Variants in SMOX observed in about 807,000 individuals in gnomAD.
SMOX encodes the protein flavin containing amine oxidase.
Under a neutral mutation model 51.0 loss-of-function variants are expected in SMOX, and 22 were observed. The ratio of observed to expected loss-of-function variants is 0.43; its 90% confidence interval spans 0.31 to 0.62. SMOX has a LOEUF of 0.62. SMOX is among the 20% of genes least tolerant of loss of function. The probability of loss-of-function intolerance (pLI) is 0.10; values close to 1 mark genes in which losing one functional copy is unlikely to be tolerated. For missense variants in SMOX, 566 were observed against 777.7 expected (o/e 0.73, Z 3.24); for synonymous variants, 282 against 307.8 (o/e 0.92, Z 0.88).
rs1385944289 is a variant in SMOX at position 4,149,413 on chromosome 20, G to A, written c.-27+436G>A. On this transcript the variant is annotated intron_variant, in intron 1 of 6. Coordinates refer to ENST00000305958, the MANE Select transcript of SMOX (RefSeq NM_175839.3). The surrounding 1 kb of genome is among the most constrained non-coding windows in gnomAD (Gnocchi z 6.0). ...CGACGACTCGGGCTGCCGGGAGGGT[G>A]GGCACCGGGGAGAGGACAGAAGGCT... Among the ~76,000 whole-genome samples the A allele has an allele frequency of 1.3e-5, 2 of 150,870 alleles. No individual in the cohort carries two copies. Among genetic ancestry groups the A allele is most frequent in the Non-Finnish European group, 2.9e-5 (2 of 67,860 alleles).
rs1199698968 is a variant in SMOX at position 4,174,924 on chromosome 20, C to T, written c.-26-106C>T. 21 of 1,167,564 alleles carry T rather than the reference C, an allele frequency of 1.8e-5. No homozygotes were observed. In the South Asian group the frequency reaches 2.7e-4, roughly 15 times the overall value. 72.3% of individuals were successfully genotyped at this position (1,167,564 alleles called of 1,614,324 possible). On this transcript the variant is annotated intron_variant, in intron 1 of 6. Coordinates refer to ENST00000305958, the MANE Select transcript of SMOX (RefSeq NM_175839.3). ...GGGAGGGAGAGGACTCCAGGTCCCC[C>T]CACCCACAACAGAGGGCAGAGTGTG...
rs200124130 is a variant in SMOX, at chr20:4,182,754, C to T, written c.1275C>T (p.Ser425=). ...CTGAGCGCTACGGCCATGTGCTGAG[C>T]GGCTGGATCTGCGGGGAGGAGGCCC... The part of the protein sequence containing the change: ...YPPERYGHVL[S]GWICGEEALV... The change falls in exon 5 of 7, where the codon AGC becomes AGT. Residue 425 remains serine, a synonymous_variant. Coordinates refer to ENST00000305958, the MANE Select transcript of SMOX (RefSeq NM_175839.3). This position sits in a 1 kb window ranked among gnomAD's most constrained non-coding sequence, Gnocchi z 8.4. 256 of 1,614,108 alleles carry T rather than the reference C, an allele frequency of 1.6e-4. No homozygotes were observed. The Admixed American group carries it at 2.0e-3, about 12-fold the overall frequency.
intron 1 of SMOX, among the ~76,000 whole-genome samples, chr20:4,154,124 A>AAGTGGGTTGAAGCCAGGCCTGG (rs568258748): frequency 7.6e-4 from 115 of 152,042 alleles, no homozygotes; most frequent in African/African-American, 2.6e-3. Flanking sequence ...GGAGGAGGAG[A>AAGTGGGTTGAAGCCAGGCCTGG]AGTGGGTTGA....
In SMOX at chr20:4,183,400, G is replaced by C; in HGVS notation, c.1370-94G>C. 1 of 1,587,256 alleles carries C rather than the reference G, an allele frequency of 6.3e-7. No individual in the cohort carries two copies. The highest frequency in any genetic ancestry group is 1.1e-5 in the South Asian group (1 of 90,088). ...GGCAGTCTGGTCCTCCCGGAGCCCTGGAGGTGGGGTGGGGGGTTGTCCCTT... is the reference window on the plus strand; with the variant it reads ...GGCAGTCTGGTCCTCCCGGAGCCCTCGAGGTGGGGTGGGGGGTTGTCCCTT... On this transcript the variant is annotated intron_variant, in intron 5 of 6. Transcript: ENST00000305958. This position sits in a 1 kb window ranked among gnomAD's most constrained non-coding sequence, Gnocchi z 4.3.
chr20:4,170,443 A>G lies in SMOX; in HGVS notation c.-26-4587A>G, dbSNP rs1308305624. On this transcript the variant is annotated intron_variant, in intron 1 of 6. Transcript: ENST00000305958. This position sits in a 1 kb window ranked among gnomAD's most constrained non-coding sequence, Gnocchi z 4.6. ...GTCTCTCTAGTATTTGGCCATTAGA[A>G]GGTACTTGCTGGAGTGTAAATTTCT... Among the ~76,000 whole-genome samples, 1 of 151,930 alleles carries G rather than the reference A, an allele frequency of 6.6e-6. No homozygotes were observed. The highest frequency in any genetic ancestry group is 1.9e-4 in the East Asian group (1 of 5,188).
In SMOX at chr20:4,187,404, C is replaced by T. The variant is rs753462723; in HGVS notation, c.1665C>T (p.Thr555=). Residue 555 remains threonine (T), a synonymous_variant, in exon 7 of 7, where the codon ACC becomes ACT. Coordinates refer to ENST00000305958, the MANE Select transcript of SMOX (RefSeq NM_175839.3). The surrounding 1 kb of genome is among the most constrained non-coding windows in gnomAD (Gnocchi z 4.8). ...ACCGAGACCTCTTCCAGCAGGGGAC[C>T]TGAGGGCTGTCCTCGCTGCTGAGAA... ...EMYRDLFQQG[T] The T allele has an allele frequency of 6.2e-7, 1 of 1,613,708 alleles. No homozygotes were observed. Among genetic ancestry groups the T allele is most frequent in the South Asian group, 1.1e-5 (1 of 90,970 alleles).
In SMOX at chr20:4,183,462, C is replaced by T. The variant is rs1258459353; in HGVS notation, c.1370-32C>T. ...TCCATATGCAGCCATTTCTTATCCT[C>T]CCTCCTCTTGGCTTTTCTGACTCTC... On this transcript the variant is annotated intron_variant, in intron 5 of 6. Coordinates refer to ENST00000305958, the MANE Select transcript of SMOX (RefSeq NM_175839.3). This position sits in a 1 kb window ranked among gnomAD's most constrained non-coding sequence, Gnocchi z 4.3. The T allele has an allele frequency of 1.1e-5, 17 of 1,613,970 alleles. No homozygotes were observed. Among genetic ancestry groups the T allele is most frequent in the Non-Finnish European group, 1.4e-5 (16 of 1,180,022 alleles).
Position 4,183,427 on chromosome 20 carries a change from G to C in SMOX, c.1370-67G>C. 6.2e-7 allele frequency: 1 copy of C among 1,611,256 alleles called. No individual in the cohort carries two copies. Among genetic ancestry groups the C allele is most frequent in the Admixed American group, 1.7e-5 (1 of 59,988 alleles). Reference sequence around the variant, plus strand: ...AGGTGGGGTGGGGGGTTGTCCCTTTGGGGTCATCTTCCATATGCAGCCATT... The same window carrying C: ...AGGTGGGGTGGGGGGTTGTCCCTTTCGGGTCATCTTCCATATGCAGCCATT... On this transcript the variant is annotated intron_variant, in intron 5 of 6. Coordinates refer to ENST00000305958, the MANE Select transcript of SMOX (RefSeq NM_175839.3). The surrounding 1 kb of genome is among the most constrained non-coding windows in gnomAD (Gnocchi z 4.3).
intron 2 of SMOX, among the ~76,000 whole-genome samples, chr20:4,176,775 G>C (rs554536687): frequency 6.6e-6 from 1 of 152,234 alleles, no homozygotes; most frequent in Admixed American, 6.5e-5. Flanking sequence ...CGGCTCTCAG[G>C]GTTTTTTGTA....
chr20:4,167,660 G>A lies in SMOX; in HGVS notation c.-26-7370G>A, dbSNP rs879492536. 3.9e-5 allele frequency among the ~76,000 whole-genome samples: 6 copies of A among 152,082 alleles called. No homozygotes were observed. Among genetic ancestry groups the A allele is most frequent in the Non-Finnish European group, 7.4e-5 (5 of 68,018 alleles). ...CCTGGCAAGGTAGAGATTGAGCTGG[G>A]GCCTGATTCCCAGGTCTGGGCCAGT... On this transcript the variant is annotated intron_variant, in intron 1 of 6. Transcript: ENST00000305958. This position sits in a 1 kb window ranked among gnomAD's most constrained non-coding sequence, Gnocchi z 4.8.
chr20:4,181,425 C>T lies in SMOX; in HGVS notation c.436-378C>T, dbSNP rs772479840. On this transcript the variant is annotated intron_variant, in intron 3 of 6. Coordinates refer to ENST00000305958, the MANE Select transcript of SMOX (RefSeq NM_175839.3). This position sits in a 1 kb window ranked among gnomAD's most constrained non-coding sequence, Gnocchi z 5.6. ...GAAAGTGCACGTATCGTTCTTGGAA[C>T]AGGTAAATGTGTGCAAATGCCCATC... 6.6e-6 allele frequency among the ~76,000 whole-genome samples: 1 copy of T among 152,198 alleles called. No homozygotes were observed. The highest frequency in any genetic ancestry group is 1.5e-5 in the Non-Finnish European group (1 of 68,044).
rs941518520 is a variant in SMOX, at chr20:4,166,249, C to T, written c.-26-8781C>T. Among the ~76,000 whole-genome samples the T allele has an allele frequency of 2.0e-5, 3 of 152,124 alleles. No individual in the cohort carries two copies. Among genetic ancestry groups the T allele is most frequent in the Non-Finnish European group, 4.4e-5 (3 of 68,024 alleles). ...GCAGGGGTGTGGCCTGGGGAAGTAACTGCAGTACCAAGCTCTGTTCTGGCC... is the reference window on the plus strand; with the variant it reads ...GCAGGGGTGTGGCCTGGGGAAGTAATTGCAGTACCAAGCTCTGTTCTGGCC... On this transcript the variant is annotated intron_variant, in intron 1 of 6. Transcript: ENST00000305958. This position sits in a 1 kb window ranked among gnomAD's most constrained non-coding sequence, Gnocchi z 4.2.
At chr20:4,184,117 C>A (rs1042159810) in intron 6 of SMOX, among the ~76,000 whole-genome samples, 1 of 151,638 alleles carries the variant, frequency 6.6e-6, no homozygotes. Context: ...CTAGCTGGGA[C>A]CACAGGCATG....
chr20:4,152,573 T>C (rs1001521343), intron 1 of SMOX, among the ~76,000 whole-genome samples: 2 of 151,822 alleles, frequency 1.3e-5, no homozygotes, highest in African/African-American at 4.8e-5. Context: ...GGGGCAGTGG[T>C]CCAGATCTGG....
chr20:4,170,734 T>G lies in SMOX; in HGVS notation c.-26-4296T>G, dbSNP rs975313113. Among the ~76,000 whole-genome samples the G allele has an allele frequency of 6.6e-6, 1 of 152,166 alleles. No individual in the cohort carries two copies. The highest frequency in any genetic ancestry group is 1.5e-5 in the Non-Finnish European group (1 of 68,026). ...CACAGGACGGGGTTTTTCCTCCCTC[T>G]TTTCCTCTCTCCATACCCTGCTGCC... On this transcript the variant is annotated intron_variant, in intron 1 of 6. Coordinates refer to ENST00000305958, the MANE Select transcript of SMOX (RefSeq NM_175839.3). The surrounding 1 kb of genome is among the most constrained non-coding windows in gnomAD (Gnocchi z 4.6).
chr20:4,170,336 T>C lies in SMOX; in HGVS notation c.-26-4694T>C, dbSNP rs1986771464. On this transcript the variant is annotated intron_variant, in intron 1 of 6. Transcript: ENST00000305958. The surrounding 1 kb of genome is among the most constrained non-coding windows in gnomAD (Gnocchi z 4.6). ...CCTCAATGAGGAAAGTGCCAGGAGT[T>C]GGGTGGTGCCTCCTGTTTAGTTCTG... Among the ~76,000 whole-genome samples, 1 of 152,102 alleles carries C rather than the reference T, an allele frequency of 6.6e-6. No individual in the cohort carries two copies. Among genetic ancestry groups the C allele is most frequent in the African/African-American group, 2.4e-5 (1 of 41,426 alleles).
chr20:4,153,133 C>G lies in SMOX; in HGVS notation c.-27+4156C>G, dbSNP rs1230321778. Among the ~76,000 whole-genome samples the G allele has an allele frequency of 1.3e-5, 2 of 152,138 alleles. No homozygotes were observed. The highest frequency in any genetic ancestry group is 2.9e-5 in the Non-Finnish European group (2 of 68,038). On this transcript the variant is annotated intron_variant, in intron 1 of 6. Coordinates refer to ENST00000305958, the MANE Select transcript of SMOX (RefSeq NM_175839.3). This position sits in a 1 kb window ranked among gnomAD's most constrained non-coding sequence, Gnocchi z 4.4. ...GGTGACCGAATTTTTCTGCTTCATG[C>G]CCCACTTTTTCTTCCAGGAGGGGCT...
At chr20:4,150,052 C>A (rs534123129) in intron 1 of SMOX, among the ~76,000 whole-genome samples, 1 of 152,304 alleles carries the variant, frequency 6.6e-6, no homozygotes, top group East Asian at 1.9e-4. Context: ...TCTCCCTGTC[C>A]CCCTTTCTTC....
chr20:4,157,206 AGG>A (rs1483163218), intron 1 of SMOX, among the ~76,000 whole-genome samples: 1 of 152,130 alleles, frequency 6.6e-6, no homozygotes, highest in African/African-American at 2.4e-5. Flanking sequence ...TTGTACCATG[AGG>A]GTAATATTAC....
Sources: allele counts gnomAD v4.1 joint callset (sites outside exome capture counted in the v4.1 genomes callset), GRCh38; gene constraint gnomAD v4.1.1; non-coding constraint Gnocchi (gnomAD v3.1); transcripts MANE v1.5; gene names NCBI Gene and HGNC (gene_info 2026-07-23, HGNC 2026-07-21).